The following HS6ST2 variants were observed in gnomAD, a reference collection of about 807,000 sequenced individuals.
HS6ST2 encodes heparan sulfate 6-O-sulfotransferase 2, also known as heparan-sulfate 6-O-sulfotransferase 2.
In HS6ST2, 17 loss-of-function variants were observed where a neutral mutation model predicts 33.0. That is an observed-to-expected ratio of 0.52 (90% CI 0.35 to 0.77). The LOEUF (loss-of-function observed/expected upper bound fraction) is 0.77, where lower values mean the gene tolerates loss of function less well. Among genes scored for constraint, HS6ST2 ranks in the 30% least tolerant of loss-of-function variants. The pLI, the probability that HS6ST2 is intolerant of heterozygous loss-of-function variation, is 0.01. For missense variants in HS6ST2, 519 were observed against 551.7 expected (o/e 0.94, Z 0.59); for synonymous variants, 248 against 237.1 (o/e 1.05, Z -0.42).
chrX:132,788,733 C>G (rs2065089469), intron 2 of HS6ST2, among the ~76,000 whole-genome samples: 1 of 112,820 alleles, frequency 8.9e-6, no homozygotes. Flanking sequence ...AAAAGTGCCA[C>G]TCTGGTGAAC....
At chrX:132,663,648 T>G (rs1360028597) in intron 4 of HS6ST2, among the ~76,000 whole-genome samples, 1 of 112,863 alleles carries the variant, frequency 8.9e-6, no homozygotes, top group African/African-American at 3.2e-5. Context: ...ACTAAGGAAC[T>G]ATTGACATTA....
At chrX:132,858,428 A>G (rs1308745392) in intron 2 of HS6ST2, among the ~76,000 whole-genome samples, 6 of 112,256 alleles carry the variant, frequency 5.3e-5, no homozygotes. Flanking sequence ...CAGTTTTCAA[A>G]GTGCTTTCAG....
chrX:132,869,565 A>G (rs964882858), intron 2 of HS6ST2, among the ~76,000 whole-genome samples: 1 of 112,051 alleles, frequency 8.9e-6, no homozygotes, highest in Admixed American at 9.5e-5. Context: ...AAGCTTATCC[A>G]CCATGATCAA....
intron 2 of HS6ST2, among the ~76,000 whole-genome samples, chrX:132,848,505 C>T (rs1276629650): frequency 8.9e-6 from 1 of 112,494 alleles, no homozygotes; most frequent in Admixed American, 9.4e-5. Flanking sequence ...ACTTTCCTGG[C>T]ACTTAGCCTC....
At chrX:132,633,899 A>C (rs1012917739) in intron 4 of HS6ST2, among the ~76,000 whole-genome samples, 1 of 111,791 alleles carries the variant, frequency 8.9e-6, no homozygotes, top group Admixed American at 9.5e-5. Context: ...ACAAGAAGGG[A>C]CAGCCTATCA....
intron 2 of HS6ST2, among the ~76,000 whole-genome samples, chrX:132,871,665 G>A (rs1013138299): frequency 7.3e-5 from 8 of 109,326 alleles, no homozygotes; most frequent in Non-Finnish European, 1.5e-4. Flanking sequence ...CATTCTCAGC[G>A]AACTAACACA....
intron 2 of HS6ST2, among the ~76,000 whole-genome samples, chrX:132,855,004 CT>C (rs1298334653): frequency 3.6e-5 from 4 of 111,946 alleles, no homozygotes; most frequent in African/African-American, 1.3e-4. Flanking sequence ...TCTAGAAATT[CT>C]GTGCTTAATG....
chrX:132,695,666 C>A (rs939319378), intron 3 of HS6ST2, among the ~76,000 whole-genome samples: 1 of 111,962 alleles, frequency 8.9e-6, no homozygotes, highest in African/African-American at 3.2e-5. Context: ...AAGTCCTCAT[C>A]ATTTTGCTGC....
intron 2 of HS6ST2, among the ~76,000 whole-genome samples, chrX:132,781,224 T>C (rs2065014446): frequency 8.9e-6 from 1 of 112,029 alleles, no homozygotes; most frequent in Non-Finnish European, 1.9e-5. Flanking sequence ...CCAATTGGTT[T>C]GAAAGGTTAA....
At chrX:132,662,999 T>C (rs2063784727) in intron 4 of HS6ST2, among the ~76,000 whole-genome samples, 1 of 111,526 alleles carries the variant, frequency 9.0e-6, no homozygotes. Context: ...TAATCACTAG[T>C]TGACATTTAT....
At chrX:132,717,188 G>C (rs1367932359) in intron 2 of HS6ST2, among the ~76,000 whole-genome samples, 2 of 113,112 alleles carry the variant, frequency 1.8e-5, no homozygotes, top group Non-Finnish European at 3.7e-5. Context: ...TTCAGCAAAG[G>C]AGCTTAGGTC....
At chrX:132,813,366 A>G (rs1474400762) in intron 2 of HS6ST2, among the ~76,000 whole-genome samples, 1 of 111,118 alleles carries the variant, frequency 9.0e-6, no homozygotes, top group Non-Finnish European at 1.9e-5. Flanking sequence ...CTACCTCTCC[A>G]ACTGTTTCCT....
At position 132,898,874 on chromosome X, in the gene HS6ST2, G is replaced by C. The variant is rs561893525; in HGVS notation, c.947+57934C>G. Among the ~76,000 whole-genome samples, 73 of 110,833 alleles carry C rather than the reference G, an allele frequency of 6.6e-4. No homozygotes were observed. In the South Asian group the frequency reaches 0.028, roughly 42 times the overall value. On this transcript the variant is annotated intron_variant, in intron 2 of 4. Transcript: ENST00000370833. ...TTTGGCTGAGTACTGATTGGCATAC[G>C]TATGGGAGGAAACTACCCAAGACCA...
chrX:132,795,744 C>A (rs758974038), intron 2 of HS6ST2, among the ~76,000 whole-genome samples: 18 of 110,598 alleles, frequency 1.6e-4, no homozygotes, highest in Admixed American at 6.8e-4. Context: ...GTAGCTTGGA[C>A]TACAGGTGTG....
At chrX:132,746,432 G>A (rs1196065784) in intron 2 of HS6ST2, among the ~76,000 whole-genome samples, 1 of 111,333 alleles carries the variant, frequency 9.0e-6, no homozygotes, top group Admixed American at 9.5e-5. Flanking sequence ...GAACCCAGGA[G>A]GCAGAGCTTG....
chrX:132,726,588 A>G (rs1182565170), intron 2 of HS6ST2, among the ~76,000 whole-genome samples: 1 of 112,224 alleles, frequency 8.9e-6, no homozygotes, highest in Non-Finnish European at 1.9e-5. Context: ...ATGTGCAACC[A>G]TCACCACCAG....
At chrX:132,873,781 G>C (rs968270361) in intron 2 of HS6ST2, among the ~76,000 whole-genome samples, 6 of 111,368 alleles carry the variant, frequency 5.4e-5, no homozygotes, top group Admixed American at 3.8e-4. Flanking sequence ...GTTAAGAATA[G>C]AAGTATCCAT....
chrX:132,678,057 C>T (rs1334761404), intron 3 of HS6ST2, among the ~76,000 whole-genome samples: 1 of 111,745 alleles, frequency 8.9e-6, no homozygotes, highest in Non-Finnish European at 1.9e-5. Flanking sequence ...GCATCTATAC[C>T]TAAAAGTGCA....
chrX:132,832,795 TGTCA>T (rs767711274), intron 2 of HS6ST2, among the ~76,000 whole-genome samples: 71 of 112,328 alleles, frequency 6.3e-4, no homozygotes, highest in African/African-American at 2.2e-3. Context: ...TTGTTCTTGT[TGTCA>T]GTAACAGCTT....
Sources: allele counts gnomAD v4.1 joint callset (sites outside exome capture counted in the v4.1 genomes callset), GRCh38; gene constraint gnomAD v4.1.1; transcripts MANE v1.5; gene names NCBI Gene and HGNC (gene_info 2026-07-23, HGNC 2026-07-21).